The following CD164 variants were observed in gnomAD, a reference collection of about 807,000 sequenced individuals.
The protein encoded by CD164 is CD164 molecule.
CD164 carries 11 observed loss-of-function variants against 24.6 expected under a neutral mutation model. That is an observed-to-expected ratio of 0.45 (90% CI 0.28 to 0.74). The LOEUF (loss-of-function observed/expected upper bound fraction) is 0.74, where lower values mean the gene tolerates loss of function less well. Among genes scored for constraint, CD164 ranks in the 30% least tolerant of loss-of-function variants. The probability of loss-of-function intolerance (pLI) is 0.13; values close to 1 mark genes in which losing one functional copy is unlikely to be tolerated. For synonymous variants in CD164, 126 were observed against 100.3 expected (o/e 1.26, Z -1.53); for missense variants, 295 against 243.7 (o/e 1.21, Z -1.40).
At chr6:109,375,621 AAAAAAAAAAGAAAAG>A (rs1771353411) in intron 4 of CD164, among the ~76,000 whole-genome samples, 1 of 120,272 alleles carries the variant, frequency 8.3e-6, no homozygotes, top group Non-Finnish European at 1.6e-5. Flanking sequence ...CGCTTCCAAA[AAAAAAAAAAGAAAAG>A]AAAAAAAGAA....
chr6:109,373,721 A>C (rs993569951), intron 4 of CD164, among the ~76,000 whole-genome samples: 10 of 152,224 alleles, frequency 6.6e-5, no homozygotes, highest in African/African-American at 2.4e-4. Context: ...TGGTTTCAGC[A>C]ACCTTCAACA....
intron 2 of CD164, 106 bp from the exon 3 acceptor site, chr6:109,378,077 G>C: frequency 1.1e-6 from 1 of 892,526 alleles, no homozygotes; most frequent in South Asian, 1.5e-5. Context: ...CACTTTAGAA[G>C]TGGGCAGGGG....
rs370188516 is a variant in CD164, at chr6:109,378,368, G to C, written c.260-397C>G. ...AGGCCAGGGTGGGAAGATCACCTGA[G>C]GTCAGGAGTTCGAGATCAGCCTGAC... On this transcript the variant is annotated intron_variant, in intron 2 of 5. Transcript: ENST00000310786. 5.3e-5 allele frequency among the ~76,000 whole-genome samples: 8 copies of C among 152,124 alleles called. No individual in the cohort carries two copies. In the East Asian group the frequency reaches 7.7e-4, roughly 15 times the overall value.
chr6:109,382,445 C>G lies in CD164; in HGVS notation c.-67G>C, dbSNP rs1300088996. ...CAACGCTCAGTCAACCCCTCAATCC[C>G]CTGCGGCGCCGCCTCCGAGACTACG... On this transcript the variant is annotated 5_prime_UTR_variant, in exon 1 of 6. Transcript: ENST00000310786. 6 of 1,367,720 alleles carry G rather than the reference C, an allele frequency of 4.4e-6. No individual in the cohort carries two copies. Among genetic ancestry groups the G allele is most frequent in the Middle Eastern group, 1.9e-4 (1 of 5,232 alleles). 84.7% of individuals were successfully genotyped at this position (1,367,720 alleles called of 1,614,324 possible). A position where few individuals can be genotyped will look rare whatever the true frequency, so the allele number is the denominator to read the frequency against.
intron 4 of CD164, chr6:109,372,729 G>C (rs914027987): frequency 2.6e-5 from 4 of 152,142 alleles, no homozygotes; most frequent in African/African-American, 9.7e-5. Flanking sequence ...GGTTTTTACT[G>C]CTTCTGTGTA....
At chr6:109,378,032 ACT>A in intron 2 of CD164, 61 bp from the exon 3 acceptor site, 1 of 1,334,572 alleles carries the variant, frequency 7.5e-7, no homozygotes, top group Admixed American at 1.7e-5. Flanking sequence ...ATTATCTTTG[ACT>A]CTGCTACTAA....
chr6:109,381,903 A>C, intron 1 of CD164: 1 of 465,182 alleles, frequency 2.1e-6, no homozygotes, highest in South Asian at 3.0e-5. Flanking sequence ...TCCGACCCCA[A>C]GTGAGGCTAG....
At chr6:109,377,185 T>G (rs1014795512) in intron 3 of CD164, among the ~76,000 whole-genome samples, 3 of 152,212 alleles carry the variant, frequency 2.0e-5, no homozygotes, top group African/African-American at 7.2e-5. Context: ...CTGTGTGAAG[T>G]AAAACTGATC....
At position 109,368,304 on chromosome 6, in the gene CD164, T is replaced by C; in HGVS notation, c.*547A>G. The C allele has an allele frequency of 1.9e-6, 3 of 1,543,648 alleles. No homozygotes were observed. The highest frequency in any genetic ancestry group is 1.2e-5 in the South Asian group (1 of 82,810). On this transcript the variant is annotated 3_prime_UTR_variant, in exon 6 of 6. Transcript: ENST00000310786. ...TCATTTCTTTAAATCTGGAATGTAG[T>C]TCCTTGTGTGGCATCTTATTTCTAA...
intron 1 of CD164, chr6:109,381,917 T>C: frequency 2.3e-6 from 1 of 427,192 alleles, no homozygotes; most frequent in Non-Finnish European, 4.1e-6. Flanking sequence ...AGGCTAGGAA[T>C]TACGATGCAC....
At chr6:109,380,383 G>A (rs1238274004) in intron 1 of CD164, 2 of 152,112 alleles carry the variant, frequency 1.3e-5, no homozygotes, top group Admixed American at 6.5e-5. Flanking sequence ...GTGAGAAAAA[G>A]CAGCAAAATA....
chr6:109,374,923 G>A (rs559991122), intron 4 of CD164, among the ~76,000 whole-genome samples: 99 of 152,264 alleles, frequency 6.5e-4, no homozygotes, highest in Non-Finnish European at 9.7e-4. Flanking sequence ...TGCTCACTGA[G>A]ATCTTTCATT....
intron 3 of CD164, 23 bp downstream of exon 3, chr6:109,377,877 A>C: frequency 6.3e-7 from 1 of 1,596,786 alleles, no homozygotes; most frequent in Non-Finnish European, 8.6e-7. Flanking sequence ...GTCAGCTTCC[A>C]AGCAGCCAAT....
intron 1 of CD164, chr6:109,381,871 G>C: frequency 2.1e-6 from 1 of 483,262 alleles, no homozygotes; most frequent in Non-Finnish European, 3.7e-6. Context: ...CTGCCCCCGC[G>C]GAAGGAAGCC....
chr6:109,379,708 G>A (rs1357544249), intron 1 of CD164, 46 bp from the exon 2 acceptor site: 4 of 1,390,886 alleles, frequency 2.9e-6, no homozygotes, highest in Non-Finnish European at 4.1e-6. Context: ...GATTTTATTA[G>A]TATCTTATTT....
intron 5 of CD164, 70 bp from the exon 6 acceptor site, chr6:109,369,087 C>G: frequency 7.5e-7 from 1 of 1,335,792 alleles, no homozygotes; most frequent in Non-Finnish European, 1.0e-6. Context: ...AAAGATGCAC[C>G]TGAGCCTCTA....
intron 5 of CD164, among the ~76,000 whole-genome samples, chr6:109,369,440 T>G (rs1167121097): frequency 6.6e-6 from 1 of 152,222 alleles, no homozygotes; most frequent in Non-Finnish European, 1.5e-5. Context: ...TTTTTCATGT[T>G]ACAAAAATAA....
At chr6:109,375,891 G>A (rs1771378481) in intron 4 of CD164, 183 bp downstream of exon 4, 1 of 550,790 alleles carries the variant, frequency 1.8e-6, no homozygotes, top group East Asian at 3.3e-5. Flanking sequence ...ATAAAACACT[G>A]GAGCTATGTG....
intron 2 of CD164, among the ~76,000 whole-genome samples, chr6:109,378,390 T>G (rs1424039119): frequency 6.6e-6 from 1 of 151,516 alleles, no homozygotes; most frequent in Non-Finnish European, 1.5e-5. Flanking sequence ...GAGATCAGCC[T>G]GACCAATATG....
Sources: allele counts gnomAD v4.1 joint callset (sites outside exome capture counted in the v4.1 genomes callset), GRCh38; gene constraint gnomAD v4.1.1; transcripts MANE v1.5; gene names NCBI Gene and HGNC (gene_info 2026-07-23, HGNC 2026-07-21).